Variants in IRAK2 observed in about 807,000 individuals in gnomAD.
IRAK2 encodes the protein interleukin-1 receptor-associated kinase-like 2.
In IRAK2, 57 loss-of-function variants were observed where a neutral mutation model predicts 72.0. That is an observed-to-expected ratio of 0.79 (90% CI 0.64 to 0.99). The LOEUF (loss-of-function observed/expected upper bound fraction) is 0.99, where lower values mean the gene tolerates loss of function less well. IRAK2 is among the 50% of genes least tolerant of loss of function. The pLI, the probability that IRAK2 is intolerant of heterozygous loss-of-function variation, is 0.00. For synonymous variants in IRAK2, 293 were observed against 312.7 expected (o/e 0.94, Z 0.67); for missense variants, 790 against 794.4 (o/e 0.99, Z 0.07).
chr3:10,167,707 G>A (rs962884401), intron 1 of IRAK2, among the ~76,000 whole-genome samples: 3 of 151,584 alleles, frequency 2.0e-5, no homozygotes, highest in Non-Finnish European at 2.9e-5. Flanking sequence ...GAGCCACCGC[G>A]CCCAGCCAGT....
chr3:10,176,635 G>A (rs939783272), intron 1 of IRAK2, among the ~76,000 whole-genome samples: 4 of 150,640 alleles, frequency 2.7e-5, no homozygotes, highest in African/African-American at 7.3e-5. Flanking sequence ...ACGCCACCAC[G>A]CCCGGCTAAT....
intron 4 of IRAK2, 75 bp from the exon 5 acceptor site, chr3:10,213,132 G>A (rs1697549155): frequency 7.9e-7 from 1 of 1,261,694 alleles, no homozygotes; most frequent in Non-Finnish European, 1.1e-6. Flanking sequence ...CATCTCTGGT[G>A]TTCCAAGGTC....
intron 12 of IRAK2, among the ~76,000 whole-genome samples, chr3:10,240,135 G>A (rs1328865608): frequency 1.7e-5 from 2 of 119,780 alleles, no homozygotes; most frequent in African/African-American, 6.8e-5. Flanking sequence ...GTGACAGAGT[G>A]AGACTCCGTC....
chr3:10,189,265 G>A (rs1240524338), intron 2 of IRAK2, among the ~76,000 whole-genome samples: 3 of 152,088 alleles, frequency 2.0e-5, no homozygotes, highest in Non-Finnish European at 2.9e-5. Context: ...AGTGAAGGAC[G>A]ACACACACAT....
At chr3:10,170,942 G>T (rs1306850285) in intron 1 of IRAK2, among the ~76,000 whole-genome samples, 2 of 152,222 alleles carry the variant, frequency 1.3e-5, no homozygotes, top group Non-Finnish European at 2.9e-5. Flanking sequence ...CTTCCTGTGG[G>T]TCATTTTAGA....
intron 2 of IRAK2, among the ~76,000 whole-genome samples, chr3:10,191,247 A>G (rs2125148194): frequency 6.6e-6 from 1 of 151,870 alleles, no homozygotes; most frequent in South Asian, 2.1e-4. Context: ...GTGAGCCGAG[A>G]TCGCGCCACT....
intron 2 of IRAK2, among the ~76,000 whole-genome samples, chr3:10,192,726 C>G (rs545584602): frequency 6.6e-6 from 1 of 152,154 alleles, no homozygotes; most frequent in African/African-American, 2.4e-5. Flanking sequence ...CGAGACCAGC[C>G]TGGCCAATAT....
chr3:10,168,008 G>A (rs1170753407), intron 1 of IRAK2, among the ~76,000 whole-genome samples: 8 of 151,860 alleles, frequency 5.3e-5, no homozygotes, highest in Non-Finnish European at 1.0e-4. Context: ...TGTTACTCAG[G>A]CTGATCTTGA....
At chr3:10,183,796 C>A (rs1697001531) in intron 2 of IRAK2, among the ~76,000 whole-genome samples, 1 of 152,150 alleles carries the variant, frequency 6.6e-6, no homozygotes, top group Admixed American at 6.6e-5. Flanking sequence ...AAGCAGCTAC[C>A]CATTCCTTGC....
At chr3:10,172,121 A>G (rs1297987819) in intron 1 of IRAK2, among the ~76,000 whole-genome samples, 14 of 152,150 alleles carry the variant, frequency 9.2e-5, no homozygotes, top group Non-Finnish European at 1.8e-4. Context: ...CTGTAATCCT[A>G]GCTCTTTGGG....
At chr3:10,240,331 C>A (rs1698032409) in intron 12 of IRAK2, among the ~76,000 whole-genome samples, 1 of 150,942 alleles carries the variant, frequency 6.6e-6, no homozygotes, top group Non-Finnish European at 1.5e-5. Context: ...GTGGCAGGCA[C>A]CTGTAGTCCC....
rs759765333 is a variant in IRAK2, at chr3:10,165,057, G to T, written c.94+9G>T. ...GGACTGGATGGAGTTCGGTGAGTGC[G>T]GCCCGGGGAGGGGAGGGGACCAGGG... On this transcript the variant is annotated intron_variant, in intron 1 of 12. Coordinates refer to ENST00000256458, the MANE Select transcript of IRAK2 (RefSeq NM_001570.4). 1 of 1,605,100 alleles carries T rather than the reference G, an allele frequency of 6.2e-7. No individual in the cohort carries two copies. Among genetic ancestry groups the T allele is most frequent in the South Asian group, 1.1e-5 (1 of 90,056 alleles).
chr3:10,199,258 G>A (rs1327790645), intron 2 of IRAK2, among the ~76,000 whole-genome samples: 1 of 152,134 alleles, frequency 6.6e-6, no homozygotes, highest in Non-Finnish European at 1.5e-5. Context: ...ACACACCCTC[G>A]AAGCACCTTT....
intron 2 of IRAK2, among the ~76,000 whole-genome samples, chr3:10,180,736 T>G (rs995790964): frequency 6.6e-6 from 1 of 152,024 alleles, no homozygotes; most frequent in Non-Finnish European, 1.5e-5. Flanking sequence ...GGTGGGGGCC[T>G]AGAGAGTACC....
chr3:10,174,593 C>T (rs538207296), intron 1 of IRAK2, among the ~76,000 whole-genome samples: 10 of 152,114 alleles, frequency 6.6e-5, no homozygotes, highest in African/African-American at 4.8e-5. Flanking sequence ...GGCGTGATCT[C>T]GGCTCACTGC....
chr3:10,201,400 G>A (rs375794653), intron 3 of IRAK2, among the ~76,000 whole-genome samples: 43 of 152,322 alleles, frequency 2.8e-4, no homozygotes, highest in African/African-American at 8.2e-4. Context: ...CCCGGCCCTC[G>A]CAGCCATGCA....
intron 3 of IRAK2, among the ~76,000 whole-genome samples, chr3:10,202,817 AAGT>A (rs1279495720): frequency 6.6e-6 from 1 of 150,636 alleles, no homozygotes. Context: ...TCAGCCTCTC[AAGT>A]AGCTGGGACT....
intron 2 of IRAK2, among the ~76,000 whole-genome samples, chr3:10,183,064 G>A (rs186756758): frequency 1.1e-3 from 174 of 152,286 alleles, no homozygotes; most frequent in African/African-American, 4.0e-3. Flanking sequence ...GAGCCACCGC[G>A]CCTGGCTGGA....
intron 10 of IRAK2, among the ~76,000 whole-genome samples, chr3:10,228,318 C>T (rs1697810933): frequency 6.6e-6 from 1 of 152,090 alleles, no homozygotes; most frequent in East Asian, 1.9e-4. Flanking sequence ...CCTCGCTACT[C>T]CATGCAGAAA....
Sources: allele counts gnomAD v4.1 joint callset (sites outside exome capture counted in the v4.1 genomes callset), GRCh38; gene constraint gnomAD v4.1.1; transcripts MANE v1.5; gene names NCBI Gene and HGNC (gene_info 2026-07-23, HGNC 2026-07-21).